The following HTR7 variants were observed in gnomAD, a reference collection of about 807,000 sequenced individuals.
HTR7 encodes the protein 5-hydroxytryptamine receptor 7.
In HTR7, 16 loss-of-function variants were observed where a neutral mutation model predicts 34.0. That is an observed-to-expected ratio of 0.47 (90% CI 0.32 to 0.71). The LOEUF (loss-of-function observed/expected upper bound fraction) is 0.71, where lower values mean the gene tolerates loss of function less well. HTR7 is among the 30% of genes least tolerant of loss of function. The pLI is 0.04. For missense variants in HTR7, 504 were observed against 625.5 expected (o/e 0.81, Z 2.07); for synonymous variants, 265 against 260.2 (o/e 1.02, Z -0.18).
chr10:90,768,238 T>C (rs572577700), intron 1 of HTR7, among the ~76,000 whole-genome samples: 37 of 142,290 alleles, frequency 2.6e-4, no homozygotes, highest in African/African-American at 9.0e-4. Flanking sequence ...AGAATCATTC[T>C]CTGTCCGCAA....
At chr10:90,780,721 AAG>A (rs1357233301) in intron 1 of HTR7, among the ~76,000 whole-genome samples, 15 of 152,142 alleles carry the variant, frequency 9.9e-5, no homozygotes, top group African/African-American at 3.4e-4. Context: ...ACTCAGGACA[AAG>A]GTCAACCAAT....
At chr10:90,847,704 T>C (rs1488931049) in intron 1 of HTR7, among the ~76,000 whole-genome samples, 18 of 152,224 alleles carry the variant, frequency 1.2e-4, no homozygotes, top group African/African-American at 3.9e-4. Flanking sequence ...ATAAGGCAGA[T>C]GAGTTCCTGT....
At position 90,811,247 on chromosome 10, in the gene HTR7, G is replaced by T. The variant is rs147834067; in HGVS notation, c.539+45886C>A. On this transcript the variant is annotated intron_variant, in intron 1 of 3. Coordinates refer to ENST00000336152, the MANE Select transcript of HTR7 (RefSeq NM_019859.4). ...AACTTGACCTTACTGTTTTAGGCTG[G>T]CCATCATGTCTCCGTGCAGTGGCTG... Among the ~76,000 whole-genome samples the T allele has an allele frequency of 7.2e-3, 1,100 of 152,200 alleles. 16 individuals carry two copies. The highest frequency in any genetic ancestry group is 0.024 in the African/African-American group (1,017 of 41,518).
At chr10:90,806,293 T>C (rs1393100668) in intron 1 of HTR7, among the ~76,000 whole-genome samples, 1 of 152,066 alleles carries the variant, frequency 6.6e-6, no homozygotes, top group Admixed American at 6.5e-5. Flanking sequence ...GCTGCAGCTG[T>C]GCTGTATTAA....
At chr10:90,833,443 C>T (rs1019051934) in intron 1 of HTR7, among the ~76,000 whole-genome samples, 11 of 152,216 alleles carry the variant, frequency 7.2e-5, no homozygotes, top group African/African-American at 2.4e-4. Flanking sequence ...ATTAAATTAT[C>T]TAAGCCTTTC....
In HTR7 at chr10:90,794,723, A is replaced by G. The variant is rs531325404; in HGVS notation, c.540-45129T>C. ...TCCCTGTGTTGCCTAAGCTGATCTCAAACTCCTGGGCTCAAGCAATCCTCC... is the reference window on the plus strand; with the variant it reads ...TCCCTGTGTTGCCTAAGCTGATCTCGAACTCCTGGGCTCAAGCAATCCTCC... On this transcript the variant is annotated intron_variant, in intron 1 of 3. Transcript: ENST00000336152. Among the ~76,000 whole-genome samples the G allele has an allele frequency of 2.0e-5, 3 of 152,138 alleles. No individual in the cohort carries two copies. The East Asian group carries it at 5.8e-4, about 29-fold the overall frequency.
intron 1 of HTR7, among the ~76,000 whole-genome samples, chr10:90,846,888 G>A (rs1192927166): frequency 6.6e-6 from 1 of 152,122 alleles, no homozygotes; most frequent in African/African-American, 2.4e-5. Flanking sequence ...CTACTGCAAG[G>A]GGTGAAGGGT....
In HTR7 at chr10:90,809,197, G is replaced by A. The variant is rs1029060771; in HGVS notation, c.539+47936C>T. Among the ~76,000 whole-genome samples the A allele has an allele frequency of 5.3e-5, 8 of 151,984 alleles. No individual in the cohort carries two copies. The East Asian group carries it at 5.8e-4, about 11-fold the overall frequency. On this transcript the variant is annotated intron_variant, in intron 1 of 3. Coordinates refer to ENST00000336152, the MANE Select transcript of HTR7 (RefSeq NM_019859.4). Reference sequence around the variant, plus strand: ...TTTATCACCTCCCCTCCTGACACCCGGTCTGGCTTACAGTTTCATTCCGTA... The same window carrying A: ...TTTATCACCTCCCCTCCTGACACCCAGTCTGGCTTACAGTTTCATTCCGTA...
At chr10:90,746,927 A>G (rs1198271900) in intron 2 of HTR7, among the ~76,000 whole-genome samples, 1 of 152,192 alleles carries the variant, frequency 6.6e-6, no homozygotes, top group Non-Finnish European at 1.5e-5. Context: ...TAGAGTAACA[A>G]TTCATTCTCA....
At chr10:90,763,654 C>T (rs1350643999) in intron 1 of HTR7, among the ~76,000 whole-genome samples, 1 of 152,078 alleles carries the variant, frequency 6.6e-6, no homozygotes, top group African/African-American at 2.4e-5. Flanking sequence ...GTGTGTTGTT[C>T]CCTTCCCTGT....
chr10:90,856,977 T>C (rs1034803570), intron 1 of HTR7, among the ~76,000 whole-genome samples, 156 bp downstream of exon 1: 2 of 152,136 alleles, frequency 1.3e-5, no homozygotes, highest in African/African-American at 4.8e-5. Context: ...CGAAGTTTGG[T>C]TGGTGTAGGG....
intron 1 of HTR7, among the ~76,000 whole-genome samples, chr10:90,816,503 C>T (rs111922060): frequency 0.015 from 2,233 of 152,204 alleles, 18 homozygotes; most frequent in Non-Finnish European, 0.023. Context: ...TGCAGTGGGT[C>T]TCTAAAAAAG....
intron 1 of HTR7, among the ~76,000 whole-genome samples, chr10:90,794,999 G>C (rs890000756): frequency 9.9e-5 from 15 of 152,172 alleles, no homozygotes; most frequent in African/African-American, 3.4e-4. Context: ...GTCATTGACC[G>C]AAAAAGCATT....
chr10:90,831,286 C>T (rs570893982), intron 1 of HTR7, among the ~76,000 whole-genome samples: 14 of 152,180 alleles, frequency 9.2e-5, no homozygotes, highest in African/African-American at 2.4e-4. Flanking sequence ...TTCTGATGTT[C>T]GGCTGTGTTC....
At position 90,824,669 on chromosome 10, in the gene HTR7, A is replaced by G. The variant is rs565612859; in HGVS notation, c.539+32464T>C. Among the ~76,000 whole-genome samples, 8 of 152,316 alleles carry G rather than the reference A, an allele frequency of 5.3e-5. No homozygotes were observed. The East Asian group carries it at 1.5e-3, about 29-fold the overall frequency. On this transcript the variant is annotated intron_variant, in intron 1 of 3. Coordinates refer to ENST00000336152, the MANE Select transcript of HTR7 (RefSeq NM_019859.4). Reference sequence around the variant, plus strand: ...CCTGAAGGGTGAGTCCCAATCCTGGAAACATTCACCACAAGCTGACTGAAA... The same window carrying G: ...CCTGAAGGGTGAGTCCCAATCCTGGGAACATTCACCACAAGCTGACTGAAA...
intron 1 of HTR7, among the ~76,000 whole-genome samples, chr10:90,761,529 G>A (rs1236883559): frequency 6.6e-6 from 1 of 152,100 alleles, no homozygotes; most frequent in Non-Finnish European, 1.5e-5. Context: ...GATGCAATCA[G>A]GCCTCCTCGT....
At chr10:90,849,347 T>A (rs1446635880) in intron 1 of HTR7, among the ~76,000 whole-genome samples, 1 of 152,226 alleles carries the variant, frequency 6.6e-6, no homozygotes, top group African/African-American at 2.4e-5. Flanking sequence ...GACATTTTAA[T>A]TGTTGTCAAT....
chr10:90,815,154 C>T (rs184856774), intron 1 of HTR7, among the ~76,000 whole-genome samples: 7 of 150,324 alleles, frequency 4.7e-5, no homozygotes, highest in South Asian at 2.1e-4. Context: ...TGCGGTGGTG[C>T]GATCTCGGCT....
intron 1 of HTR7, among the ~76,000 whole-genome samples, chr10:90,787,018 T>G (rs1267086780): frequency 6.6e-6 from 1 of 152,228 alleles, no homozygotes; most frequent in Non-Finnish European, 1.5e-5. Flanking sequence ...GACAGAAATC[T>G]AGAAGAAAGT....
Sources: allele counts gnomAD v4.1 joint callset (sites outside exome capture counted in the v4.1 genomes callset), GRCh38; gene constraint gnomAD v4.1.1; transcripts MANE v1.5; gene names NCBI Gene and HGNC (gene_info 2026-07-23, HGNC 2026-07-21).